GRM1: variants seen among roughly 807,000 people sequenced by gnomAD.
GRM1 encodes the protein metabotropic glutamate receptor 1.
Under a neutral mutation model 90.9 loss-of-function variants are expected in GRM1, and 33 were observed. The ratio of observed to expected loss-of-function variants is 0.36; its 90% CI spans 0.28 to 0.49. GRM1 has a LOEUF of 0.49. Ranked by LOEUF, GRM1 falls within the 20% of genes least tolerant of loss-of-function variation. GRM1 has a pLI of 0.99. For synonymous variants in GRM1, 700 were observed against 613.2 expected (o/e 1.14, Z -2.09); for missense variants, 1,190 against 1,534.3 (o/e 0.78, Z 3.75).
intron 2 of GRM1, among the ~76,000 whole-genome samples, chr6:146,284,561 G>A (rs983112365): frequency 6.6e-6 from 1 of 152,192 alleles, no homozygotes; most frequent in African/African-American, 2.4e-5. Context: ...TAATCCCCAT[G>A]TGTTGAGGGA....
chr6:146,313,377 A>G (rs968354960), intron 3 of GRM1, among the ~76,000 whole-genome samples: 1 of 152,186 alleles, frequency 6.6e-6, no homozygotes, highest in African/African-American at 2.4e-5. Context: ...CTTGCCTTCC[A>G]AACAAGTTTG....
chr6:146,099,582 A>C (rs1449414285), intron 1 of GRM1, among the ~76,000 whole-genome samples: 1 of 152,172 alleles, frequency 6.6e-6, no homozygotes, highest in Admixed American at 6.5e-5. Flanking sequence ...GTCTTCTCTT[A>C]TCTTTATAAT....
intron 2 of GRM1, among the ~76,000 whole-genome samples, chr6:146,198,328 T>G (rs534336746): frequency 3.3e-4 from 51 of 152,334 alleles, no homozygotes; most frequent in African/African-American, 1.2e-3. Context: ...GAGAATGAAG[T>G]GGAGACATGA....
intron 5 of GRM1, among the ~76,000 whole-genome samples, chr6:146,378,897 T>C (rs887348515): frequency 6.6e-6 from 1 of 152,064 alleles, no homozygotes; most frequent in Non-Finnish European, 1.5e-5. Context: ...TAAAGGTGAG[T>C]TTCCCTGCAC....
intron 2 of GRM1, among the ~76,000 whole-genome samples, chr6:146,187,429 TC>T (rs1339424163): frequency 6.6e-6 from 1 of 152,124 alleles, no homozygotes; most frequent in African/African-American, 2.4e-5. Flanking sequence ...AAGTTTTTGA[TC>T]AACTAGAATT....
chr6:146,279,343 CTTTT>C (rs1782487614), intron 2 of GRM1, among the ~76,000 whole-genome samples: 1 of 152,132 alleles, frequency 6.6e-6, no homozygotes, highest in African/African-American at 2.4e-5. Flanking sequence ...TACATACTCT[CTTTT>C]TTTACATACT....
intron 5 of GRM1, among the ~76,000 whole-genome samples, chr6:146,358,958 T>A (rs957365439): frequency 2.6e-5 from 4 of 152,196 alleles, no homozygotes; most frequent in Non-Finnish European, 5.9e-5. Flanking sequence ...CAGCATAGAC[T>A]CCATTCTCAT....
At chr6:146,285,445 G>A (rs1371979694) in intron 2 of GRM1, among the ~76,000 whole-genome samples, 1 of 152,136 alleles carries the variant, frequency 6.6e-6, no homozygotes, top group Non-Finnish European at 1.5e-5. Flanking sequence ...TGATTTGCTA[G>A]CTTCCAACTA....
At chr6:146,346,975 G>A (rs550185696) in intron 3 of GRM1, among the ~76,000 whole-genome samples, 1 of 152,158 alleles carries the variant, frequency 6.6e-6, no homozygotes. Flanking sequence ...GAATAACGCG[G>A]TGTTTGTTCT....
chr6:146,104,259 T>C (rs1777148746), intron 1 of GRM1, among the ~76,000 whole-genome samples: 1 of 151,936 alleles, frequency 6.6e-6, no homozygotes, highest in Non-Finnish European at 1.5e-5. Flanking sequence ...GCTAACACGG[T>C]GAAACCCCGT....
At chr6:146,146,103 CTTTTTTTTTTTTTTTTTT>C (rs35329703) in intron 1 of GRM1, among the ~76,000 whole-genome samples, 14 of 19,988 alleles carry the variant, frequency 7.0e-4, no homozygotes, top group South Asian at 2.3e-3. Context: ...ACCATTGTAT[CTTTTTTTTTTTTTTTTTT>C]TTTTTTTTTT....
intron 1 of GRM1, among the ~76,000 whole-genome samples, chr6:146,100,838 A>G (rs1489708737): frequency 1.3e-5 from 2 of 152,218 alleles, no homozygotes; most frequent in Admixed American, 1.3e-4. Context: ...AGTTGCACAC[A>G]TATAATCCCA....
intron 2 of GRM1, among the ~76,000 whole-genome samples, chr6:146,165,157 C>T (rs548095126): frequency 7.2e-4 from 109 of 152,026 alleles, no homozygotes; most frequent in Non-Finnish European, 1.3e-3. Context: ...ATCAAACACA[C>T]GTGTAAAAAA....
At chr6:146,219,427 T>C (rs919358671) in intron 2 of GRM1, among the ~76,000 whole-genome samples, 1 of 151,848 alleles carries the variant, frequency 6.6e-6, no homozygotes, top group Non-Finnish European at 1.5e-5. Context: ...GAAGAATGAA[T>C]GAAATAAGAG....
At chr6:146,299,025 C>G (rs919824270) in intron 2 of GRM1, among the ~76,000 whole-genome samples, 1 of 152,108 alleles carries the variant, frequency 6.6e-6, no homozygotes. Flanking sequence ...GCTGCTTGTT[C>G]CTGTCTTAGG....
chr6:146,282,938 G>A (rs1446608476), intron 2 of GRM1, among the ~76,000 whole-genome samples: 2 of 152,038 alleles, frequency 1.3e-5, no homozygotes, highest in Non-Finnish European at 2.9e-5. Context: ...CTTGATTTGG[G>A]GCTCAGCCAT....
Position 146,099,780 on chromosome 6 carries a change from C to G in GRM1, c.701-59568C>G, listed in dbSNP as rs924837573. ...CAGTGTCCTTTAAATGAATATACCA[C>G]AGTTTATTTATCCATTCTACTTCTA... On this transcript the variant is annotated intron_variant, in intron 1 of 7. Transcript: ENST00000282753. Among the ~76,000 whole-genome samples the G allele has an allele frequency of 5.3e-5, 8 of 152,244 alleles. No homozygotes were observed. In the East Asian group the frequency reaches 1.5e-3, roughly 29 times the overall value.
At chr6:146,064,013 A>G (rs919754825) in intron 1 of GRM1, among the ~76,000 whole-genome samples, 3 of 152,216 alleles carry the variant, frequency 2.0e-5, no homozygotes, top group Non-Finnish European at 4.4e-5. Flanking sequence ...TTAGATAACT[A>G]GAATCTCTCC....
At chr6:146,090,101 T>C (rs1776668115) in intron 1 of GRM1, among the ~76,000 whole-genome samples, 2 of 152,262 alleles carry the variant, frequency 1.3e-5, no homozygotes, top group South Asian at 4.1e-4. Context: ...CTGAAAATTT[T>C]TGTTAATAGC....
Sources: allele counts gnomAD v4.1 joint callset (sites outside exome capture counted in the v4.1 genomes callset), GRCh38; gene constraint gnomAD v4.1.1; transcripts MANE v1.5; gene names NCBI Gene and HGNC (gene_info 2026-07-23, HGNC 2026-07-21).